The following PKHD1L1 variants were observed in gnomAD, a reference collection of about 807,000 sequenced individuals.
PKHD1L1 encodes PKHD1 like 1, also known as fibrocystin-L.
In PKHD1L1, 434 loss-of-function variants were observed where a neutral mutation model predicts 462.9. The ratio of observed to expected loss-of-function variants is 0.94; its 90% CI spans 0.87 to 1.02. The LOEUF (loss-of-function observed/expected upper bound fraction) is 1.02. Ranked by LOEUF, PKHD1L1 falls within the 50% of genes least tolerant of loss-of-function variation. PKHD1L1 has a pLI of 0.00. For synonymous variants in PKHD1L1, 1,781 were observed against 1,750.0 expected, an observed-to-expected ratio of 1.02 and a Z score of -0.44; for missense variants, 5,202 against 5,096.1, an observed-to-expected ratio of 1.02 and a Z score of -0.63.
At chr8:109,487,689 T>C (rs1818602665) in intron 59 of PKHD1L1, among the ~76,000 whole-genome samples, 1 of 151,760 alleles carries the variant, frequency 6.6e-6, no homozygotes, top group African/African-American at 2.4e-5. Flanking sequence ...GCCTAGGTGA[T>C]TTAAAACTAG....
At chr8:109,440,664 A>T (rs755206228) in intron 32 of PKHD1L1, 46 bp from the exon 33 acceptor site, 1 of 1,557,308 alleles carries the variant, frequency 6.4e-7, no homozygotes, top group Non-Finnish European at 8.8e-7. Flanking sequence ...TAGCAAGATA[A>T]ATCAGTAGGA....
At chr8:109,383,165 A>AG in intron 4 of PKHD1L1, among the ~76,000 whole-genome samples, 1 of 107,056 alleles carries the variant, frequency 9.3e-6, no homozygotes, top group African/African-American at 3.8e-5. Context: ...ATTTATATAT[A>AG]ATATATACAA....
At chr8:109,511,046 T>A in intron 71 of PKHD1L1, 112 bp downstream of exon 71, 1 of 1,218,804 alleles carries the variant, frequency 8.2e-7, no homozygotes, top group Non-Finnish European at 1.1e-6. Context: ...TACAGCTCAT[T>A]TCCAAGGATG....
At position 109,466,714 on chromosome 8, in the gene PKHD1L1, C is replaced by T. The variant is rs747401208; in HGVS notation, c.8550C>T (p.Asn2850=). The part of the protein sequence containing the change: ...ASVSFHRLAF[N]QPSPVSLLEK... ...TCAGCTTTCACCGTTTAGCGTTCAA[C>T]CAGCCTTCTCCAGTATCTCTGCTTG... The change falls in exon 50 of 78, where the codon AAC becomes AAT. Residue 2850 remains asparagine (N), a synonymous_variant. Coordinates refer to ENST00000378402, the MANE Select transcript of PKHD1L1 (RefSeq NM_177531.6). 19 of 1,612,734 alleles carry T rather than the reference C, an allele frequency of 1.2e-5. No homozygotes were observed. Among genetic ancestry groups the T allele is most frequent in the Non-Finnish European group, 1.5e-5 (18 of 1,179,490 alleles).
Position 109,464,428 on chromosome 8 carries a change from T to G in PKHD1L1, c.7596T>G (p.Ile2532Met). 2.5e-6 allele frequency: 4 copies of G among 1,613,634 alleles called. No individual in the cohort carries two copies. The highest frequency in any genetic ancestry group is 3.4e-6 in the Non-Finnish European group (4 of 1,179,722). The change falls in exon 49 of 78, where the codon ATT becomes ATG. Residue 2532 changes from isoleucine (I) to methionine (M), a missense_variant. This residue lies in a region of PKHD1L1 where 4,497 missense variants were observed against 4,336.8 expected (regional missense o/e 1.04). Transcript: ENST00000378402. ...GAGCATTTTTTATAGAAGATGGTAT[T>G]GAACATGGCAATATCCTCCAGTATA... ...KGGAFFIEDG[I>M]EHGNILQYNL...
At chr8:109,437,419 T>C (rs544923720) in intron 30 of PKHD1L1, among the ~76,000 whole-genome samples, 15 of 152,006 alleles carry the variant, frequency 9.9e-5, no homozygotes, top group Non-Finnish European at 2.1e-4. Flanking sequence ...TGTATACATG[T>C]GCCATGTTGG....
Position 109,522,861 on chromosome 8 carries a change from C to G in PKHD1L1, c.12301C>G (p.Gln4101Glu). 1.2e-6 allele frequency: 2 copies of G among 1,610,206 alleles called. No individual in the cohort carries two copies. The highest frequency in any genetic ancestry group is 1.7e-6 in the Non-Finnish European group (2 of 1,178,566). The stretch of plus-strand genomic sequence containing the variant: ...ACAGCCAGGACAGCCATTTCCTCAG[C>G]AGCCTTCGGTAAAGGCAACAGATTC... The part of the protein sequence containing the change: ...AAQPGQPFPQ[Q>E]PSVKATDSDG... The change falls in exon 75 of 78, where the codon CAG (glutamine) becomes GAG (glutamate). Residue 4101 changes from glutamine (Q) to glutamate (E), a missense_variant. Around this residue, in one of 3 missense-constraint regions of PKHD1L1, gnomAD observed 698 missense variants for 736.3 expected, o/e 0.95. Coordinates refer to ENST00000378402, the MANE Select transcript of PKHD1L1 (RefSeq NM_177531.6).
chr8:109,395,448 A>G (rs1026557113), intron 10 of PKHD1L1, among the ~76,000 whole-genome samples: 5 of 152,240 alleles, frequency 3.3e-5, no homozygotes, highest in African/African-American at 1.2e-4. Context: ...TGAATCAATC[A>G]AATGTGAAAC....
chr8:109,367,508 T>G (rs752956659), intron 2 of PKHD1L1, among the ~76,000 whole-genome samples: 4 of 152,280 alleles, frequency 2.6e-5, no homozygotes, highest in Non-Finnish European at 4.4e-5. Flanking sequence ...CATTTTCATG[T>G]ATCCAAATGA....
intron 11 of PKHD1L1, among the ~76,000 whole-genome samples, chr8:109,397,668 T>A (rs1405319842): frequency 1.3e-5 from 2 of 152,084 alleles, no homozygotes; most frequent in Admixed American, 1.3e-4. Context: ...CCAGCCTGGG[T>A]GACAGAGCAA....
chr8:109,506,382 G>A (rs1819693573), intron 68 of PKHD1L1, among the ~76,000 whole-genome samples: 1 of 152,168 alleles, frequency 6.6e-6, no homozygotes, highest in Non-Finnish European at 1.5e-5. Context: ...TACAAGACTG[G>A]CTGCTTTGTC....
Position 109,396,028 on chromosome 8 carries a change from G to C in PKHD1L1, c.813G>C (p.Glu271Asp). Reference sequence around the variant, plus strand: ...TTATTTAATGTGGTTTTCCCCCAGAGGTCACCATGATTTTCCCTTCACAAG... The same window carrying C: ...TTATTTAATGTGGTTTTCCCCCAGACGTCACCATGATTTTCCCTTCACAAG... ...NKIAMFQTYA[E>D]VTMIFPSQGS... Residue 271 changes from glutamate to aspartate, a missense_variant and splice_region_variant, in exon 11 of 78, where the codon GAG becomes GAC. This residue lies in a region of PKHD1L1 where 4,497 missense variants were observed against 4,336.8 expected (regional missense o/e 1.04). Coordinates refer to ENST00000378402, the MANE Select transcript of PKHD1L1 (RefSeq NM_177531.6). 1 of 1,587,510 alleles carries C rather than the reference G, an allele frequency of 6.3e-7. No individual in the cohort carries two copies. The highest frequency in any genetic ancestry group is 8.6e-7 in the Non-Finnish European group (1 of 1,164,326).
At chr8:109,509,739 T>C (rs1231406548) in intron 70 of PKHD1L1, among the ~76,000 whole-genome samples, 1 of 151,982 alleles carries the variant, frequency 6.6e-6, no homozygotes, top group African/African-American at 2.4e-5. Context: ...TATTTAAAAG[T>C]AGGATTTATA....
intron 73 of PKHD1L1, among the ~76,000 whole-genome samples, chr8:109,520,912 T>C (rs981913420): frequency 1.3e-5 from 2 of 152,144 alleles, no homozygotes; most frequent in African/African-American, 4.8e-5. Context: ...GCATCAGACC[T>C]GCCACTCCAT....
In PKHD1L1 at chr8:109,507,702, T is replaced by A; in HGVS notation, c.11034T>A (p.Asp3678Glu). The A allele has an allele frequency of 6.2e-7, 1 of 1,613,528 alleles. No homozygotes were observed. Among genetic ancestry groups the A allele is most frequent in the Non-Finnish European group, 8.5e-7 (1 of 1,179,640 alleles). Reference sequence around the variant, plus strand: ...CTGATTGTGTAGACATGGTTTGTGATGCCAAGAGGAAATCTTTTCTTAGAG... The same window carrying A: ...CTGATTGTGTAGACATGGTTTGTGAAGCCAAGAGGAAATCTTTTCTTAGAG... ...NPSDCVDMVCDAKRKSFLRDI... is the reference protein window; with the variant it reads ...NPSDCVDMVCEAKRKSFLRDI... The change falls in exon 69 of 78, where the codon GAT becomes GAA. Residue 3678 changes from aspartate (D) to glutamate (E), a missense_variant. By Grantham distance (45) the Asp-to-Glu change is conservative. Transcript: ENST00000378402.
At chr8:109,401,641 T>G in intron 14 of PKHD1L1, 53 bp downstream of exon 14, 1 of 899,660 alleles carries the variant, frequency 1.1e-6, no homozygotes, top group Non-Finnish European at 1.7e-6. Flanking sequence ...AAGCTTTAAG[T>G]TTATATTTTA....
Position 109,454,264 on chromosome 8 carries a change from A to C in PKHD1L1, c.6744+18A>C. 1 of 1,530,348 alleles carries C rather than the reference A, an allele frequency of 6.5e-7. No homozygotes were observed. The highest frequency in any genetic ancestry group is 8.9e-7 in the Non-Finnish European group (1 of 1,121,366). 94.8% of individuals were successfully genotyped at this position (1,530,348 alleles called of 1,614,324 possible). A position where few individuals can be genotyped will look rare whatever the true frequency, so the allele number is the denominator to read the frequency against. On this transcript the variant is annotated intron_variant, in intron 44 of 77. Transcript: ENST00000378402. ...TTCTTCAGGTATTCAAAAGAACATAATACATATTCATTTCCAACCTGTCTC... is the reference window on the plus strand; with the variant it reads ...TTCTTCAGGTATTCAAAAGAACATACTACATATTCATTTCCAACCTGTCTC...
chr8:109,510,633 C>T (rs1172525251), intron 70 of PKHD1L1, 144 bp from the exon 71 acceptor site: 10 of 1,041,016 alleles, frequency 9.6e-6, no homozygotes, highest in South Asian at 6.0e-5. Flanking sequence ...GGCTGGGTAA[C>T]GGTGGATGGG....
At chr8:109,484,542 A>G (rs1163143083) in intron 57 of PKHD1L1, among the ~76,000 whole-genome samples, 1 of 151,984 alleles carries the variant, frequency 6.6e-6, no homozygotes, top group Non-Finnish European at 1.5e-5. Flanking sequence ...GTCTTTGTCA[A>G]GGGTACATCT....
Sources: gnomAD v4.1 joint callset for allele counts (sites outside exome capture counted in the v4.1 genomes callset) on GRCh38, gnomAD v4.1.1 for gene constraint, gnomAD v4.1.1 regional missense constraint, MANE v1.5 for transcripts, NCBI Gene and HGNC (gene_info 2026-07-23, HGNC 2026-07-21) for gene names.